Variants in PIK3R5 observed in about 807,000 individuals in gnomAD.
PIK3R5 encodes the protein phosphoinositide 3-kinase regulatory subunit 5.
Under a neutral mutation model 94.9 loss-of-function variants are expected in PIK3R5, and 32 were observed. That is an observed-to-expected ratio of 0.34 (90% confidence interval 0.25 to 0.45). PIK3R5 has a LOEUF of 0.45. Among genes scored for constraint, PIK3R5 ranks in the 20% least tolerant of loss-of-function variants. The pLI, the probability that PIK3R5 is intolerant of heterozygous loss-of-function variation, is 1.00. For synonymous variants in PIK3R5, 443 were observed against 479.4 expected (o/e 0.92, Z 0.99); for missense variants, 853 against 1,144.6 (o/e 0.75, Z 3.68).
In PIK3R5 at chr17:8,888,940, C is replaced by T; in HGVS notation, c.896-49G>A. On this transcript the variant is annotated intron_variant, in intron 9 of 18. Coordinates refer to ENST00000447110, the MANE Select transcript of PIK3R5 (RefSeq NM_001142633.3). This position sits in a 1 kb window ranked among gnomAD's most constrained non-coding sequence, Gnocchi z 7.8. ...TGTCTGGGCGTCTGGGCCCCGGATC[C>T]CCTTCTATATTCCCTTTGGAGGGGA... 1 of 1,556,118 alleles carries T rather than the reference C, an allele frequency of 6.4e-7. No individual in the cohort carries two copies. Among genetic ancestry groups the T allele is most frequent in the Non-Finnish European group, 8.7e-7 (1 of 1,155,764 alleles).
chr17:8,943,771 T>TA (rs1447648720), intron 1 of PIK3R5, among the ~76,000 whole-genome samples: 5 of 151,950 alleles, frequency 3.3e-5, no homozygotes, highest in Non-Finnish European at 5.9e-5. Context: ...AGACTCCATC[T>TA]AAAAAAAGAA....
chr17:8,882,527 C>T lies in PIK3R5; in HGVS notation c.2206-646G>A, dbSNP rs1334738169. On this transcript the variant is annotated intron_variant, in intron 15 of 18. Transcript: ENST00000447110. This position sits in a 1 kb window ranked among gnomAD's most constrained non-coding sequence, Gnocchi z 4.1. ...TTCCCTGCTTCCCCCCTTCAGGAGTCTCCTCCGTGACCTTTTTCCATTAGC... is the reference window on the plus strand; with the variant it reads ...TTCCCTGCTTCCCCCCTTCAGGAGTTTCCTCCGTGACCTTTTTCCATTAGC... 6.5e-6 allele frequency: 1 copy of T among 153,828 alleles called. No individual in the cohort carries two copies. The highest frequency in any genetic ancestry group is 6.4e-5 in the Admixed American group (1 of 15,510). The allele number at this position is 153,828 out of a possible 1,614,324, so 9.5% of individuals were successfully genotyped here.
In PIK3R5 at chr17:8,905,748, G is replaced by C. The variant is rs1416824794; in HGVS notation, c.205-11C>G. 2 of 1,585,590 alleles carry C rather than the reference G, an allele frequency of 1.3e-6. No homozygotes were observed. Among genetic ancestry groups the C allele is most frequent in the Admixed American group, 3.5e-5 (2 of 56,740 alleles). On this transcript the variant is annotated splice_polypyrimidine_tract_variant and intron_variant, in intron 3 of 18. Coordinates refer to ENST00000447110, the MANE Select transcript of PIK3R5 (RefSeq NM_001142633.3). The stretch of plus-strand genomic sequence containing the variant: ...GCCCTTCTCCTGGACCTGTGGAGAG[G>C]AGGAGAAGGGGAATGAGCCTCATTC...
At chr17:8,958,133 A>C in intron 1 of PIK3R5, among the ~76,000 whole-genome samples, 1 of 152,156 alleles carries the variant, frequency 6.6e-6, no homozygotes, top group East Asian at 1.9e-4. Context: ...CAACATGGTG[A>C]ATCCCCGTCT....
chr17:8,933,861 T>A (rs536507170), intron 1 of PIK3R5, among the ~76,000 whole-genome samples: 1 of 151,958 alleles, frequency 6.6e-6, no homozygotes, highest in Non-Finnish European at 1.5e-5. Flanking sequence ...TGAAAAAAAA[T>A]CACATAACTA....
chr17:8,908,890 C>T (rs1193001412), intron 3 of PIK3R5, among the ~76,000 whole-genome samples, 184 bp downstream of exon 3: 5 of 152,176 alleles, frequency 3.3e-5, no homozygotes, highest in African/African-American at 7.2e-5. Context: ...TTACTGAATG[C>T]ACCCCCTTCT....
chr17:8,891,704 C>T (rs2090028903), intron 6 of PIK3R5, among the ~76,000 whole-genome samples: 1 of 151,454 alleles, frequency 6.6e-6, no homozygotes, highest in Non-Finnish European at 1.5e-5. Flanking sequence ...TCACACCATT[C>T]TCCTGCCTCA....
rs2090482915 is a variant in PIK3R5 at position 8,909,719 on chromosome 17, T to C, written c.104-545A>G. Among the ~76,000 whole-genome samples, 1 of 152,202 alleles carries C rather than the reference T, an allele frequency of 6.6e-6. No individual in the cohort carries two copies. The highest frequency in any genetic ancestry group is 2.4e-5 in the African/African-American group (1 of 41,444). The stretch of plus-strand genomic sequence containing the variant: ...ATGCAAGAGACACAGGGATTGGAGA[T>C]GCAGGCTGGGAAGCCCTTTAGAGGA... On this transcript the variant is annotated intron_variant, in intron 2 of 18. Coordinates refer to ENST00000447110, the MANE Select transcript of PIK3R5 (RefSeq NM_001142633.3). This position sits in a 1 kb window ranked among gnomAD's most constrained non-coding sequence, Gnocchi z 4.3.
chr17:8,901,409 G>C (rs2090279112), intron 5 of PIK3R5, among the ~76,000 whole-genome samples: 1 of 152,202 alleles, frequency 6.6e-6, no homozygotes, highest in Non-Finnish European at 1.5e-5. Context: ...GACTGATGGG[G>C]GGGCAGGTAG....
At chr17:8,894,758 C>T (rs2090112217) in intron 5 of PIK3R5, among the ~76,000 whole-genome samples, 1 of 151,816 alleles carries the variant, frequency 6.6e-6, no homozygotes, top group Non-Finnish European at 1.5e-5. Context: ...GGTGGGTCGC[C>T]TTCTTGTCAT....
intron 5 of PIK3R5, among the ~76,000 whole-genome samples, chr17:8,900,045 A>G (rs922868213): frequency 2.4e-4 from 36 of 152,274 alleles, no homozygotes; most frequent in Middle Eastern, 3.4e-3. Context: ...CTTAAAAAAA[A>G]AAAAATCGTG....
intron 1 of PIK3R5, among the ~76,000 whole-genome samples, chr17:8,957,161 A>G (rs1463667820): frequency 6.6e-6 from 1 of 152,208 alleles, no homozygotes; most frequent in African/African-American, 2.4e-5. Context: ...AGAGAACTAC[A>G]GGCTCTTTAA....
chr17:8,918,458 A>G (rs1266326043), intron 1 of PIK3R5, among the ~76,000 whole-genome samples: 1 of 152,268 alleles, frequency 6.6e-6, no homozygotes, highest in Admixed American at 6.5e-5. Context: ...TCATAGAATA[A>G]AATAAATACC....
At chr17:8,917,316 A>T (rs943553688) in intron 1 of PIK3R5, among the ~76,000 whole-genome samples, 64 of 152,312 alleles carry the variant, frequency 4.2e-4, no homozygotes, top group African/African-American at 1.5e-3. Context: ...AAAATTAAAT[A>T]AATAATCGAA....
At chr17:8,902,782 T>C (rs2090315212) in intron 5 of PIK3R5, among the ~76,000 whole-genome samples, 1 of 152,118 alleles carries the variant, frequency 6.6e-6, no homozygotes, top group Non-Finnish European at 1.5e-5. Context: ...ACCTAAACCT[T>C]TAATGTATCT....
intron 13 of PIK3R5, 67 bp from the exon 14 acceptor site, chr17:8,886,389 ATAGACCTGC>A (rs2089857894): frequency 6.2e-7 from 1 of 1,603,496 alleles, no homozygotes; most frequent in Non-Finnish European, 8.5e-7. Flanking sequence ...CTCCTCCAGC[ATAGACCTGC>A]TGGCTCTCCC....
At chr17:8,897,143 A>G (rs1215505169) in intron 5 of PIK3R5, among the ~76,000 whole-genome samples, 4 of 152,216 alleles carry the variant, frequency 2.6e-5, no homozygotes, top group Non-Finnish European at 4.4e-5. Context: ...TTGGGGACTC[A>G]TGGCTGTGGG....
At chr17:8,958,312 A>C (rs1022237895) in intron 1 of PIK3R5, among the ~76,000 whole-genome samples, 16 of 151,936 alleles carry the variant, frequency 1.1e-4, no homozygotes, top group Middle Eastern at 3.4e-3. Flanking sequence ...AAAGAAAATC[A>C]CAGCAAATCA....
At chr17:8,963,463 C>T (rs2091601168) in intron 1 of PIK3R5, among the ~76,000 whole-genome samples, 1 of 152,154 alleles carries the variant, frequency 6.6e-6, no homozygotes. Context: ...CAACATCAAC[C>T]CCAAATGCTC....
Sources: allele counts gnomAD v4.1 joint callset (sites outside exome capture counted in the v4.1 genomes callset), GRCh38; gene constraint gnomAD v4.1.1; non-coding constraint Gnocchi (gnomAD v3.1); transcripts MANE v1.5; gene names NCBI Gene and HGNC (gene_info 2026-07-23, HGNC 2026-07-21).